PLEKHA5: variants seen among roughly 807,000 people sequenced by gnomAD.
The protein encoded by PLEKHA5 is pleckstrin homology domain containing A5.
A neutral mutation model predicts 181.9 loss-of-function variants in PLEKHA5; 55 were observed. The observed-to-expected ratio is 0.30, with a 90% CI of 0.24 to 0.38. The LOEUF (loss-of-function observed/expected upper bound fraction) is 0.38, where lower values mean the gene tolerates loss of function less well. Ranked by LOEUF, PLEKHA5 falls within the 10% of genes least tolerant of loss-of-function variation. PLEKHA5 has a pLI of 1.00. For synonymous variants in PLEKHA5, 535 were observed against 529.4 expected, an observed-to-expected ratio of 1.01 and a Z score of -0.15; for missense variants, 1,432 against 1,549.5, an observed-to-expected ratio of 0.92 and a Z score of 1.27.
chr12:19,370,961 T>C (rs576405211), intron 31 of PLEKHA5: 1 of 152,068 alleles, frequency 6.6e-6, no homozygotes, highest in South Asian at 2.1e-4. Flanking sequence ...GTGCCTAGCC[T>C]CTTTGATTTT....
chr12:19,270,305 T>G, intron 10 of PLEKHA5, 100 bp downstream of exon 10: 1 of 585,232 alleles, frequency 1.7e-6, no homozygotes, highest in South Asian at 3.9e-5. Context: ...TTTATTTTTA[T>G]GAAGTTAATT....
At chr12:19,290,046 G>A (rs1039933298) in intron 13 of PLEKHA5, among the ~76,000 whole-genome samples, 13 of 151,888 alleles carry the variant, frequency 8.6e-5, no homozygotes, top group African/African-American at 2.7e-4. Context: ...GGATTCAAGC[G>A]ATTCTCCTGC....
intron 18 of PLEKHA5, chr12:19,320,855 A>G: frequency 3.8e-6 from 1 of 260,840 alleles, no homozygotes; most frequent in Non-Finnish European, 7.2e-6. Context: ...GAAAGTAAAA[A>G]CTGTTTCTGA....
chr12:19,162,573 TAA>T lies in PLEKHA5; in HGVS notation c.227+30136_227+30137del, dbSNP rs34375689. On this transcript the variant is annotated intron_variant, in intron 3 of 31. Transcript: ENST00000429027. ...AATGAAATCAGAAGTAAGTTAGCTT[TAA>T]AAAAAAAAAAAAGAGTTGGGGGCAG... Among the ~76,000 whole-genome samples the T allele has an allele frequency of 1.6e-3, 237 of 146,294 alleles. 1 individual carries two copies. The highest frequency in any genetic ancestry group is 3.6e-3 in the Middle Eastern group (1 of 280).
intron 10 of PLEKHA5, among the ~76,000 whole-genome samples, chr12:19,273,914 G>C (rs1473682648): frequency 6.6e-6 from 1 of 152,230 alleles, no homozygotes; most frequent in Non-Finnish European, 1.5e-5. Context: ...GGCACTTTAA[G>C]TGTTCTGTAC....
chr12:19,296,067 C>T (rs1321228706), intron 15 of PLEKHA5, among the ~76,000 whole-genome samples: 1 of 150,718 alleles, frequency 6.6e-6, no homozygotes, highest in East Asian at 2.0e-4. Flanking sequence ...AACCTCGTCT[C>T]TACTAAAAAC....
At chr12:19,310,912 C>T (rs918034640) in intron 15 of PLEKHA5, among the ~76,000 whole-genome samples, 4 of 152,094 alleles carry the variant, frequency 2.6e-5, no homozygotes, top group African/African-American at 9.7e-5. Flanking sequence ...TCATCTGAGC[C>T]TTCAGCAAGT....
At position 19,355,474 on chromosome 12, in the gene PLEKHA5, C is replaced by T. The variant is rs1354243109; in HGVS notation, c.3138+1472C>T. Among the ~76,000 whole-genome samples the T allele has an allele frequency of 2.0e-5, 3 of 151,378 alleles. No individual in the cohort carries two copies. The East Asian group carries it at 5.9e-4, about 30-fold the overall frequency. On this transcript the variant is annotated intron_variant, in intron 26 of 31. Transcript: ENST00000429027. Reference sequence around the variant, plus strand: ...TCAAGGGATCCTCTCACCCCAGCCTCCTGGCTAGCTGGGACAATAAGCACG... The same window carrying T: ...TCAAGGGATCCTCTCACCCCAGCCTTCTGGCTAGCTGGGACAATAAGCACG...
intron 3 of PLEKHA5, among the ~76,000 whole-genome samples, chr12:19,171,365 T>C (rs538025057): frequency 1.3e-5 from 2 of 152,294 alleles, no homozygotes; most frequent in East Asian, 3.9e-4. Context: ...GAAGAGACAC[T>C]CATACCCTGT....
At position 19,215,528 on chromosome 12, in the gene PLEKHA5, C is replaced by T. The variant is rs571643950; in HGVS notation, c.228-38412C>T. 9.2e-5 allele frequency among the ~76,000 whole-genome samples: 14 copies of T among 152,204 alleles called. No homozygotes were observed. In the South Asian group the frequency reaches 2.9e-3, roughly 32 times the overall value. On this transcript the variant is annotated intron_variant, in intron 3 of 31. Coordinates refer to ENST00000429027, the MANE Select transcript of PLEKHA5 (RefSeq NM_001256470.2). Reference sequence around the variant, plus strand: ...TGGATAACAGCATCCCCTGTCACTTCAAGTTATACTTTTTAAAAATTGTAA... The same window carrying T: ...TGGATAACAGCATCCCCTGTCACTTTAAGTTATACTTTTTAAAAATTGTAA...
rs1014608875 is a variant in PLEKHA5 at position 19,336,519 on chromosome 12, T to G, written c.2453T>G (p.Leu818Trp). 6.3e-7 allele frequency: 1 copy of G among 1,582,566 alleles called. No individual in the cohort carries two copies. ...ATTAACACTTTTTGGTTTTAGGAATTGGAACGAGCATGGAGAGAATATGAT... is the reference window on the plus strand; with the variant it reads ...ATTAACACTTTTTGGTTTTAGGAATGGGAACGAGCATGGAGAGAATATGAT... Reference protein sequence around the residue: ...CRELSRATAELERAWREYDKL... With the variant: ...CRELSRATAEWERAWREYDKL... Residue 818 changes from leucine to tryptophan, a missense_variant, in exon 21 of 32, where the codon TTG (leucine) becomes TGG (tryptophan). Transcript: ENST00000429027.
intron 3 of PLEKHA5, among the ~76,000 whole-genome samples, chr12:19,183,725 A>AT (rs1463815795): frequency 6.6e-6 from 1 of 151,674 alleles, no homozygotes; most frequent in Non-Finnish European, 1.5e-5. Context: ...TTCTTTTTTT[A>AT]TTTTTTGAGA....
chr12:19,314,937 A>C, intron 16 of PLEKHA5, 43 bp downstream of exon 16: 1 of 969,056 alleles, frequency 1.0e-6, no homozygotes, highest in Non-Finnish European at 1.6e-6. Flanking sequence ...ATCATCTGCA[A>C]AATCCCTCAG....
chr12:19,139,608 T>G (rs1384989616), intron 3 of PLEKHA5, among the ~76,000 whole-genome samples: 1 of 152,174 alleles, frequency 6.6e-6, no homozygotes, highest in African/African-American at 2.4e-5. Context: ...ACTTTATAGT[T>G]GAATTAGTGG....
Position 19,223,459 on chromosome 12 carries a change from G to C in PLEKHA5, c.228-30481G>C, listed in dbSNP as rs547191242. 2.0e-5 allele frequency among the ~76,000 whole-genome samples: 3 copies of C among 152,030 alleles called. No homozygotes were observed. In the East Asian group the frequency reaches 5.8e-4, roughly 29 times the overall value. On this transcript the variant is annotated intron_variant, in intron 3 of 31. Coordinates refer to ENST00000429027, the MANE Select transcript of PLEKHA5 (RefSeq NM_001256470.2). ...CTTTAGAACACCAGTAACTTATCTG[G>C]GAAATCTGGGACTTTCAATCCACAG...
intron 3 of PLEKHA5, among the ~76,000 whole-genome samples, chr12:19,252,084 C>G (rs1168900442): frequency 6.6e-6 from 1 of 152,072 alleles, no homozygotes. Flanking sequence ...AATGATTCTA[C>G]TCTTACAATA....
Position 19,336,604 on chromosome 12 carries a change from T to C in PLEKHA5, c.2538T>C (p.Leu846=), listed in dbSNP as rs994838919. ...AGATGCAAGAGCAGCTGGATCACCT[T>C]GGTGAAGTTCAGGTACAAAAGTATA... is the stretch of plus-strand genomic sequence containing the variant. ...RNQMQEQLDH[L]GEVQTESAGI... Residue 846 remains leucine (L), a synonymous_variant, in exon 21 of 32, where the codon CTT becomes CTC. Transcript: ENST00000429027. 7 of 1,579,350 alleles carry C rather than the reference T, an allele frequency of 4.4e-6. No homozygotes were observed. The highest frequency in any genetic ancestry group is 1.7e-4 in the Middle Eastern group (1 of 6,012).
At chr12:19,189,012 A>C (rs1380895759) in intron 3 of PLEKHA5, among the ~76,000 whole-genome samples, 1 of 152,242 alleles carries the variant, frequency 6.6e-6, no homozygotes, top group Non-Finnish European at 1.5e-5. Flanking sequence ...AAAGATAGAC[A>C]TTAGTCAAGT....
rs35656695 is a variant in PLEKHA5, at chr12:19,334,983, G to GAA, written c.2449-1513_2449-1512dup. Among the ~76,000 whole-genome samples the GAA allele has an allele frequency of 2.7e-3, 134 of 49,968 alleles. 2 individuals are homozygous for GAA. Among genetic ancestry groups the GAA allele is most frequent in the South Asian group, 0.013 (13 of 1,010 alleles). The allele number at this position is 49,968 out of a possible 152,430, so 32.8% of individuals were successfully genotyped here. On this transcript the variant is annotated intron_variant, in intron 20 of 31. Transcript: ENST00000429027. ...TCTTCACCTAAGATTTTTTTTTTAT[G>GAA]AAAAAAAAAAAAAAAAAAAAGACTG... is the stretch of plus-strand genomic sequence containing the variant.
Sources: allele counts gnomAD v4.1 joint callset (sites outside exome capture counted in the v4.1 genomes callset), GRCh38; gene constraint gnomAD v4.1.1; transcripts MANE v1.5; gene names NCBI Gene and HGNC (gene_info 2026-07-23, HGNC 2026-07-21).